ZC3H12B: variants seen among roughly 807,000 people sequenced by gnomAD.
The protein encoded by ZC3H12B is zinc finger CCCH-type containing 12B.
ZC3H12B carries 7 observed loss-of-function variants against 43.9 expected under a neutral mutation model. The observed-to-expected ratio is 0.16, with a 90% confidence interval of 0.09 to 0.30. The LOEUF (loss-of-function observed/expected upper bound fraction) is 0.30, where lower values mean the gene tolerates loss of function less well. ZC3H12B is among the 10% of genes least tolerant of loss of function. ZC3H12B has a pLI of 1.00. For missense variants in ZC3H12B, 475 were observed against 670.2 expected (o/e 0.71, Z 3.22); for synonymous variants, 222 against 241.7 (o/e 0.92, Z 0.76).
the ZC3H12B span, among the ~76,000 whole-genome samples, chrX:65,266,524 G>A: frequency 8.9e-6 from 1 of 111,838 alleles, no homozygotes. Context: ...AGGGAATTTA[G>A]GAAAAAACTT....
chrX:65,196,911 G>A, the ZC3H12B span, among the ~76,000 whole-genome samples: 1 of 112,005 alleles, frequency 8.9e-6, no homozygotes, highest in African/African-American at 3.2e-5. Context: ...TGAATTAAAA[G>A]GATAGCTCTT....
chrX:65,116,953 T>C, the ZC3H12B span, among the ~76,000 whole-genome samples: 7 of 111,988 alleles, frequency 6.3e-5, no homozygotes, highest in Non-Finnish European at 1.3e-4. Flanking sequence ...TTAATCCAGT[T>C]GATCATTGTT....
At chrX:65,329,631 A>G in the ZC3H12B span, among the ~76,000 whole-genome samples, 2 of 110,504 alleles carry the variant, frequency 1.8e-5, no homozygotes, top group African/African-American at 3.4e-5. Context: ...GCCCATGCCT[A>G]TGTCCTGAAT....
intron 2 of ZC3H12B, among the ~76,000 whole-genome samples, chrX:65,381,003 T>C (rs1027794934): frequency 9.0e-6 from 1 of 111,283 alleles, no homozygotes; most frequent in Admixed American, 9.6e-5. Context: ...ACATTAATAA[T>C]GGGAGACTTT....
the ZC3H12B span, among the ~76,000 whole-genome samples, chrX:65,319,550 G>A: frequency 9.0e-6 from 1 of 111,531 alleles, no homozygotes; most frequent in Non-Finnish European, 1.9e-5. Context: ...ATTGAGGAGA[G>A]ACTCCTCCTT....
At chrX:65,245,621 G>A in the ZC3H12B span, among the ~76,000 whole-genome samples, 74 of 111,595 alleles carry the variant, frequency 6.6e-4, no homozygotes, top group African/African-American at 2.2e-3. Flanking sequence ...TGCGGAAAAG[G>A]CTTTTGATAA....
the ZC3H12B span, among the ~76,000 whole-genome samples, chrX:65,113,556 C>G: frequency 3.0e-5 from 3 of 100,934 alleles, no homozygotes; most frequent in African/African-American, 1.3e-4. Flanking sequence ...AGAATGAGAC[C>G]TTGTTTTATA....
intron 3 of ZC3H12B, among the ~76,000 whole-genome samples, chrX:65,419,177 G>C (rs1023178642): frequency 8.9e-6 from 1 of 111,734 alleles, no homozygotes; most frequent in African/African-American, 3.3e-5. Flanking sequence ...TCAGCAGCTG[G>C]TAGAATCCCC....
chrX:65,423,796 G>C (rs766577774), intron 3 of ZC3H12B, among the ~76,000 whole-genome samples: 1 of 111,768 alleles, frequency 8.9e-6, no homozygotes, highest in East Asian at 2.8e-4. Flanking sequence ...CTCTCATTCT[G>C]TAGGTTGTCT....
chrX:65,094,646 A>G, the ZC3H12B span, among the ~76,000 whole-genome samples: 1 of 112,797 alleles, frequency 8.9e-6, no homozygotes, highest in East Asian at 2.8e-4. Context: ...AAACTGTACT[A>G]GCAGTTACTG....
the ZC3H12B span, among the ~76,000 whole-genome samples, chrX:65,325,265 G>C: frequency 9.0e-6 from 1 of 111,088 alleles, no homozygotes; most frequent in African/African-American, 3.3e-5. Flanking sequence ...AATAAGGCTA[G>C]AGAGGAGATA....
At chrX:65,469,400 G>A (rs1190048394) in intron 3 of ZC3H12B, 5 of 463,164 alleles carry the variant, frequency 1.1e-5, no homozygotes, top group Non-Finnish European at 2.0e-5. Flanking sequence ...GCACCATCAA[G>A]CTCAAGGTGT....
At chrX:65,344,804 A>C in the ZC3H12B span, among the ~76,000 whole-genome samples, 1 of 112,555 alleles carries the variant, frequency 8.9e-6, no homozygotes, top group Non-Finnish European at 1.9e-5. Context: ...ACATTTTTGC[A>C]AACTATGCAT....
At chrX:65,168,532 T>C in the ZC3H12B span, among the ~76,000 whole-genome samples, 1 of 110,635 alleles carries the variant, frequency 9.0e-6, no homozygotes, top group Non-Finnish European at 1.9e-5. Context: ...CAGGCTTTGG[T>C]ATCAGGATGA....
chrX:65,216,440 G>A, the ZC3H12B span, among the ~76,000 whole-genome samples: 8 of 111,386 alleles, frequency 7.2e-5, no homozygotes, highest in African/African-American at 2.3e-4. Flanking sequence ...CCCTGGGGCA[G>A]AGGGGAACCT....
chrX:65,435,096 C>T (rs1483806924), intron 3 of ZC3H12B, among the ~76,000 whole-genome samples: 1 of 111,716 alleles, frequency 9.0e-6, no homozygotes, highest in Non-Finnish European at 1.9e-5. Flanking sequence ...TGTAATTCAA[C>T]AATTTGCATG....
At chrX:65,116,335 T>A in the ZC3H12B span, among the ~76,000 whole-genome samples, 1 of 111,289 alleles carries the variant, frequency 9.0e-6, no homozygotes, top group Non-Finnish European at 1.9e-5. Flanking sequence ...TTCTGTTTGC[T>A]TTGTCTAACA....
chrX:65,234,909 T>G, the ZC3H12B span, among the ~76,000 whole-genome samples: 1 of 112,058 alleles, frequency 8.9e-6, no homozygotes, highest in South Asian at 3.7e-4. Context: ...TTCTGATCAT[T>G]CAGCTTCCAC....
intron 2 of ZC3H12B, among the ~76,000 whole-genome samples, chrX:65,396,507 A>T (rs2066700130): frequency 9.0e-6 from 1 of 110,756 alleles, no homozygotes; most frequent in Admixed American, 9.6e-5. Context: ...GAGTTTCTTA[A>T]TCCTAAGTTC....
Sources: gnomAD v4.1 joint callset for allele counts (sites outside exome capture counted in the v4.1 genomes callset) on GRCh38, gnomAD v4.1.1 for gene constraint, MANE v1.5 for transcripts, NCBI Gene and HGNC (gene_info 2026-07-23, HGNC 2026-07-21) for gene names.